PSD3: variants seen among roughly 807,000 people sequenced by gnomAD.
The protein encoded by PSD3 is PH and SEC7 domain-containing protein 3.
Under a neutral mutation model 105.5 loss-of-function variants are expected in PSD3, and 49 were observed. That is an observed-to-expected ratio of 0.46 (90% CI 0.37 to 0.59). PSD3 has a LOEUF of 0.59. Among genes scored for constraint, PSD3 ranks in the 20% least tolerant of loss-of-function variants. The probability of loss-of-function intolerance (pLI) is 0.00; values close to 1 mark genes in which losing one functional copy is unlikely to be tolerated. For synonymous variants in PSD3, 557 were observed against 457.8 expected, an observed-to-expected ratio of 1.22 and a Z score of -2.77; for missense variants, 1,561 against 1,263.8, an observed-to-expected ratio of 1.24 and a Z score of -3.57.
rs1190950209 is a variant in PSD3 at position 18,528,022 on chromosome 8, AGTT to A, written c.*7718_*7720del. The stretch of plus-strand genomic sequence containing the variant: ...GTTTGAGCCACAGTGAATATAACTC[AGTT>A]ATTATAATAGGCTGGAAAAGTTAAA... On this transcript the variant is annotated 3_prime_UTR_variant, in exon 16 of 16. Transcript: ENST00000327040. 1 of 152,176 alleles carries A rather than the reference AGTT, an allele frequency of 6.6e-6. No homozygotes were observed. The highest frequency in any genetic ancestry group is 2.4e-5 in the African/African-American group (1 of 41,458). The allele number at this position is 152,176 out of a possible 1,614,324, so 9.4% of individuals were successfully genotyped here. A position where few individuals can be genotyped will look rare whatever the true frequency, so the allele number is the denominator to read the frequency against.
chr8:18,971,005 T>G (rs972101587), intron 1 of PSD3, among the ~76,000 whole-genome samples: 2 of 150,736 alleles, frequency 1.3e-5, no homozygotes, highest in Admixed American at 1.3e-4. Context: ...GACAAAAAAT[T>G]CCTAACTGCC....
chr8:18,600,464 AT>A (rs776563949), intron 11 of PSD3, 30 bp from the exon 12 acceptor site: 46 of 1,494,538 alleles, frequency 3.1e-5, no homozygotes, highest in Non-Finnish European at 3.9e-5. Context: ...GTAAAATTTT[AT>A]TTGACATCAG....
At chr8:18,928,224 G>A (rs1280297498) in intron 2 of PSD3, among the ~76,000 whole-genome samples, 1 of 152,168 alleles carries the variant, frequency 6.6e-6, no homozygotes, top group African/African-American at 2.4e-5. Context: ...CTGTTCTCAT[G>A]ATAGCAAATA....
At chr8:18,976,939 C>T (rs1282272321) in intron 1 of PSD3, among the ~76,000 whole-genome samples, 1 of 152,120 alleles carries the variant, frequency 6.6e-6, no homozygotes, top group Non-Finnish European at 1.5e-5. Context: ...TCTGTACATG[C>T]TGATAGAGAA....
At chr8:19,057,123 C>T (rs1828734940) in intron 1 of PSD3, among the ~76,000 whole-genome samples, 1 of 152,146 alleles carries the variant, frequency 6.6e-6, no homozygotes, top group African/African-American at 2.4e-5. Context: ...AGCACATACT[C>T]CCTGTACTGC....
chr8:18,752,558 A>ATATAT (rs1554489486), intron 9 of PSD3, among the ~76,000 whole-genome samples: 2 of 36,308 alleles, frequency 5.5e-5, no homozygotes, highest in African/African-American at 1.3e-4. Context: ...ATATATAATT[A>ATATAT]TATATATTAT....
intron 1 of PSD3, among the ~76,000 whole-genome samples, chr8:18,988,575 A>G (rs760429462): frequency 1.3e-5 from 2 of 149,214 alleles, no homozygotes; most frequent in Non-Finnish European, 1.5e-5. Context: ...GTAGCTGACT[A>G]ATTACCCAAC....
chr8:18,707,357 G>GT (rs1430325397), intron 9 of PSD3, among the ~76,000 whole-genome samples: 1 of 152,146 alleles, frequency 6.6e-6, no homozygotes, highest in Non-Finnish European at 1.5e-5. Flanking sequence ...ACAGCAACAG[G>GT]TAAGTAGCAG....
At chr8:18,981,218 T>C (rs1199133176) in intron 1 of PSD3, among the ~76,000 whole-genome samples, 1 of 152,126 alleles carries the variant, frequency 6.6e-6, no homozygotes, top group Non-Finnish European at 1.5e-5. Context: ...ATTTGTTGAA[T>C]GAACAGATGA....
intron 12 of PSD3, among the ~76,000 whole-genome samples, chr8:18,580,435 A>T (rs1802738861): frequency 1.3e-5 from 2 of 152,118 alleles, no homozygotes; most frequent in South Asian, 2.1e-4. Flanking sequence ...CAAAAAGTTT[A>T]ATTCCAATTA....
chr8:18,868,187 A>C, intron 3 of PSD3, 118 bp from the exon 4 acceptor site: 1 of 1,139,314 alleles, frequency 8.8e-7, no homozygotes, highest in South Asian at 1.7e-5. Context: ...TCATTGACTT[A>C]TATCTTAACA....
At chr8:18,832,206 G>A (rs755376925) in intron 4 of PSD3, among the ~76,000 whole-genome samples, 1 of 152,152 alleles carries the variant, frequency 6.6e-6, no homozygotes, top group East Asian at 1.9e-4. Flanking sequence ...CCCAGTGGAT[G>A]TATCACTGCA....
At chr8:19,027,907 T>C (rs1334982393) in intron 1 of PSD3, among the ~76,000 whole-genome samples, 1 of 152,210 alleles carries the variant, frequency 6.6e-6, no homozygotes, top group Non-Finnish European at 1.5e-5. Context: ...ACATCTATGT[T>C]TAATTTTTTG....
At chr8:19,029,564 G>A (rs1827684365) in intron 1 of PSD3, among the ~76,000 whole-genome samples, 1 of 152,098 alleles carries the variant, frequency 6.6e-6, no homozygotes, top group Non-Finnish European at 1.5e-5. Flanking sequence ...GCAAAAGTGG[G>A]AAAAGCCCCT....
intron 4 of PSD3, among the ~76,000 whole-genome samples, chr8:18,836,195 C>G (rs533830268): frequency 2.0e-5 from 3 of 152,066 alleles, no homozygotes; most frequent in African/African-American, 7.2e-5. Flanking sequence ...TCAAAGTAAC[C>G]GTAACCCTGA....
At chr8:18,649,381 G>T (rs906348425) in intron 10 of PSD3, among the ~76,000 whole-genome samples, 1 of 152,212 alleles carries the variant, frequency 6.6e-6, no homozygotes, top group African/African-American at 2.4e-5. Flanking sequence ...TCCTGCCGGG[G>T]TTTCGGACTT....
intron 2 of PSD3, among the ~76,000 whole-genome samples, chr8:18,895,549 A>G (rs1819090718): frequency 6.6e-6 from 1 of 152,220 alleles, no homozygotes; most frequent in Non-Finnish European, 1.5e-5. Flanking sequence ...ACACTGGTTC[A>G]TATCTTCCAA....
At chr8:18,617,347 A>G (rs1805772084) in intron 11 of PSD3, among the ~76,000 whole-genome samples, 1 of 152,140 alleles carries the variant, frequency 6.6e-6, no homozygotes, top group Non-Finnish European at 1.5e-5. Context: ...CCTGACCAAC[A>G]TGGTGAAACC....
At chr8:18,721,597 A>G (rs1378743082) in intron 9 of PSD3, among the ~76,000 whole-genome samples, 5 of 152,214 alleles carry the variant, frequency 3.3e-5, no homozygotes, top group Admixed American at 2.6e-4. Context: ...CAAGGCCATG[A>G]AGCTGTGTAA....
Sources: gnomAD v4.1 joint callset for allele counts (sites outside exome capture counted in the v4.1 genomes callset) on GRCh38, gnomAD v4.1.1 for gene constraint, MANE v1.5 for transcripts, NCBI Gene and HGNC (gene_info 2026-07-23, HGNC 2026-07-21) for gene names.